Variants in NCAM2 observed in about 807,000 individuals in gnomAD.
The protein encoded by NCAM2 is neural cell adhesion molecule 2.
A neutral mutation model predicts 98.1 loss-of-function variants in NCAM2; 30 were observed. The ratio of observed to expected loss-of-function variants is 0.31; its 90% CI spans 0.23 to 0.41. The LOEUF is 0.41. NCAM2 is among the 10% of genes least tolerant of loss of function. The probability of loss-of-function intolerance (pLI) is 1.00; values close to 1 mark genes in which losing one functional copy is unlikely to be tolerated. For synonymous variants in NCAM2, 368 were observed against 342.4 expected, an observed-to-expected ratio of 1.07 and a Z score of -0.83; for missense variants, 867 against 1,005.8, an observed-to-expected ratio of 0.86 and a Z score of 1.87.
chr21:21,136,056 A>G (rs1165273554), intron 1 of NCAM2, among the ~76,000 whole-genome samples: 1 of 152,140 alleles, frequency 6.6e-6, no homozygotes, highest in African/African-American at 2.4e-5. Context: ...AGAATTGTTT[A>G]TTTATCGCTC....
chr21:21,089,914 C>T (rs867137630), intron 1 of NCAM2, among the ~76,000 whole-genome samples: 2 of 152,086 alleles, frequency 1.3e-5, no homozygotes, highest in East Asian at 1.9e-4. Context: ...GAGACCATAT[C>T]GTAAAAGCAG....
intron 8 of NCAM2, among the ~76,000 whole-genome samples, chr21:21,366,798 A>G (rs1298459238): frequency 6.6e-6 from 1 of 152,046 alleles, no homozygotes; most frequent in African/African-American, 2.4e-5. Context: ...AGTTATCAAT[A>G]CTTTTCCCTT....
rs1487123483 is a variant in NCAM2 at position 21,223,241 on chromosome 21, G to A, written c.56-57337G>A. 4.0e-5 allele frequency: 6 copies of A among 151,818 alleles called. No homozygotes were observed. The South Asian group carries it at 1.2e-3, about 31-fold the overall frequency. 9.4% of individuals were successfully genotyped at this position (151,818 alleles called of 1,614,324 possible). On this transcript the variant is annotated intron_variant, in intron 1 of 17. Coordinates refer to ENST00000400546, the MANE Select transcript of NCAM2 (RefSeq NM_004540.5). ...ATTCTATAAATATAAAATTTAATTA[G>A]GTAATTTCTAGAATCACAAAAATAT...
At chr21:21,047,339 T>TG (rs1386850887) in intron 1 of NCAM2, among the ~76,000 whole-genome samples, 1 of 152,206 alleles carries the variant, frequency 6.6e-6, no homozygotes, top group African/African-American at 2.4e-5. Context: ...GTTTTGCTAA[T>TG]GGGTTGCTAT....
intron 1 of NCAM2, among the ~76,000 whole-genome samples, chr21:21,275,314 C>T (rs1362286034): frequency 1.3e-5 from 2 of 151,734 alleles, no homozygotes; most frequent in Non-Finnish European, 2.9e-5. Context: ...GTGGCGGGTG[C>T]CTGTAGTCCC....
intron 1 of NCAM2, among the ~76,000 whole-genome samples, chr21:21,082,225 T>TTAAAAAAAAAA (rs1555882202): frequency 0.038 from 3,106 of 82,762 alleles, 199 homozygotes; most frequent in African/African-American, 0.13. Flanking sequence ...GAGAATCCTT[T>TTAAAAAAAAAA]AAAAAAAAAA....
intron 8 of NCAM2, among the ~76,000 whole-genome samples, chr21:21,369,014 G>A (rs538610197): frequency 2.0e-5 from 3 of 151,630 alleles, no homozygotes; most frequent in African/African-American, 7.3e-5. Flanking sequence ...ATTAAACTGT[G>A]CAATTAAAAG....
chr21:21,439,267 C>T (rs905458198), intron 12 of NCAM2, among the ~76,000 whole-genome samples: 25 of 151,902 alleles, frequency 1.6e-4, no homozygotes, highest in Middle Eastern at 6.8e-3. Flanking sequence ...TACAGGTGCG[C>T]GCCATCACAT....
rs114582056 is a variant in NCAM2 at position 21,143,972 on chromosome 21, G to A, written c.56-136606G>A. ...CTCAATGTGTTATTTGTTTCACAAC[G>A]TTTTTTGTCTATTTTCATACCTTTC... is the stretch of plus-strand genomic sequence containing the variant. On this transcript the variant is annotated intron_variant, in intron 1 of 17. Transcript: ENST00000400546. Among the ~76,000 whole-genome samples the A allele has an allele frequency of 5.2e-3, 790 of 151,936 alleles. 3 individuals carry two copies. The highest frequency in any genetic ancestry group is 8.7e-3 in the Admixed American group (133 of 15,250).
chr21:21,108,992 T>C (rs2066403494), intron 1 of NCAM2, among the ~76,000 whole-genome samples: 1 of 152,128 alleles, frequency 6.6e-6, no homozygotes, highest in African/African-American at 2.4e-5. Flanking sequence ...TGGTTTCTAG[T>C]TTTACACAAA....
At chr21:21,000,931 T>C (rs1030144678) in intron 1 of NCAM2, among the ~76,000 whole-genome samples, 1 of 152,160 alleles carries the variant, frequency 6.6e-6, no homozygotes, top group Non-Finnish European at 1.5e-5. Context: ...ATTTTGTTTA[T>C]TCTCTTGTAA....
chr21:21,073,192 A>G (rs1030879358), intron 1 of NCAM2, among the ~76,000 whole-genome samples: 1 of 152,222 alleles, frequency 6.6e-6, no homozygotes, highest in Non-Finnish European at 1.5e-5. Context: ...TTGTATGCAT[A>G]TATCACATTT....
chr21:21,427,491 T>C lies in NCAM2; in HGVS notation c.1481-4617T>C, dbSNP rs148119757. Among the ~76,000 whole-genome samples the C allele has an allele frequency of 2.1e-3, 314 of 152,280 alleles. 15 individuals are homozygous for C. The highest frequency in any genetic ancestry group is 2.9e-3 in the Admixed American group (45 of 15,274). ...CACAATAGCCAAGATAGCCAAGATATAAAGATGTACAGCATGATCTCACTT... is the reference window on the plus strand; with the variant it reads ...CACAATAGCCAAGATAGCCAAGATACAAAGATGTACAGCATGATCTCACTT... On this transcript the variant is annotated intron_variant, in intron 11 of 17. Transcript: ENST00000400546.
At chr21:21,032,368 C>G (rs1412770531) in intron 1 of NCAM2, among the ~76,000 whole-genome samples, 1 of 152,106 alleles carries the variant, frequency 6.6e-6, no homozygotes, top group African/African-American at 2.4e-5. Context: ...ATTTAAACTT[C>G]ATCATGAGAT....
chr21:21,001,186 G>A (rs888656032), intron 1 of NCAM2, among the ~76,000 whole-genome samples: 3 of 152,184 alleles, frequency 2.0e-5, no homozygotes, highest in Admixed American at 2.0e-4. Context: ...ATGACATTAA[G>A]TGAGAAACTG....
chr21:21,157,703 A>G lies in NCAM2; in HGVS notation c.56-122875A>G, dbSNP rs2067658446. Among the ~76,000 whole-genome samples the G allele has an allele frequency of 2.0e-5, 3 of 152,236 alleles. No homozygotes were observed. In the South Asian group the frequency reaches 6.2e-4, roughly 32 times the overall value. ...TAAAACATGCAAAGAGCAGCTGCCT[A>G]TATTTGCAGCTGCAAGACAGACATT... On this transcript the variant is annotated intron_variant, in intron 1 of 17. Coordinates refer to ENST00000400546, the MANE Select transcript of NCAM2 (RefSeq NM_004540.5).
intron 1 of NCAM2, among the ~76,000 whole-genome samples, chr21:21,062,567 G>A (rs1047173692): frequency 3.9e-5 from 6 of 152,150 alleles, no homozygotes; most frequent in Admixed American, 1.3e-4. Flanking sequence ...TAACGCTACC[G>A]ATATCTTGAT....
At chr21:21,372,575 T>C (rs1322137936) in intron 8 of NCAM2, among the ~76,000 whole-genome samples, 1 of 151,834 alleles carries the variant, frequency 6.6e-6, no homozygotes. Context: ...GTAATGCGTT[T>C]CTGTAGCACA....
intron 1 of NCAM2, among the ~76,000 whole-genome samples, chr21:21,144,165 T>C (rs1034721165): frequency 2.0e-5 from 3 of 151,908 alleles, no homozygotes; most frequent in Non-Finnish European, 4.4e-5. Context: ...CTGGCTAACA[T>C]GGTGAAACCC....
Sources: allele counts gnomAD v4.1 joint callset (sites outside exome capture counted in the v4.1 genomes callset), GRCh38; gene constraint gnomAD v4.1.1; transcripts MANE v1.5; gene names NCBI Gene and HGNC (gene_info 2026-07-23, HGNC 2026-07-21).